NDE1: variants seen among roughly 807,000 people sequenced by gnomAD.
The protein encoded by NDE1 is nuclear distribution protein nudE homolog 1.
Under a neutral mutation model 43.4 loss-of-function variants are expected in NDE1, and 28 were observed. That is an observed-to-expected ratio of 0.65 (90% CI 0.48 to 0.89). NDE1 has a LOEUF of 0.89. NDE1 is among the 40% of genes least tolerant of loss of function. The pLI is 0.00. For missense variants in NDE1, 441 were observed against 434.1 expected (o/e 1.02, Z -0.14); for synonymous variants, 184 against 172.0 (o/e 1.07, Z -0.55).
At chr16:15,713,820 T>C (rs10521101) in intron 8 of NDE1, 42,322 of 152,340 alleles carry the variant, frequency 0.28, 6,572 homozygotes, top group East Asian at 0.48. Context: ...TTTCACCAAA[T>C]GATTGCAGCA....
chr16:15,676,703 G>A (rs1186851715), intron 3 of NDE1, among the ~76,000 whole-genome samples: 1 of 152,096 alleles, frequency 6.6e-6, no homozygotes, highest in Non-Finnish European at 1.5e-5. Flanking sequence ...GCAGGGAGTT[G>A]CCCAGGCCGG....
intron 8 of NDE1, chr16:15,717,410 C>T: frequency 6.4e-7 from 1 of 1,559,436 alleles, no homozygotes; most frequent in South Asian, 1.1e-5. Flanking sequence ...CGCACTGAGA[C>T]CATGCCTCTT....
At chr16:15,723,111 G>A (rs1455212450) in intron 8 of NDE1, among the ~76,000 whole-genome samples, 1 of 152,134 alleles carries the variant, frequency 6.6e-6, no homozygotes, top group East Asian at 1.9e-4. Context: ...AAATAATAAT[G>A]TATCTTAAAA....
chr16:15,715,856 T>C (rs959175794), intron 8 of NDE1, among the ~76,000 whole-genome samples: 10 of 152,214 alleles, frequency 6.6e-5, no homozygotes, highest in Admixed American at 6.5e-4. Flanking sequence ...CCAGGCGTGG[T>C]GGCTCATGCC....
chr16:15,718,190 C>G (rs1338840328), intron 8 of NDE1: 4 of 1,499,722 alleles, frequency 2.7e-6, no homozygotes, highest in Admixed American at 1.7e-5. Context: ...CAGGCCCCAC[C>G]ACCCTCTTGT....
intron 3 of NDE1, among the ~76,000 whole-genome samples, chr16:15,670,976 C>T (rs2037564346): frequency 6.6e-6 from 1 of 152,142 alleles, no homozygotes; most frequent in African/African-American, 2.4e-5. Context: ...CCACAGAGTG[C>T]AGCTGGCCGT....
At chr16:15,696,903 G>T (rs771553126) in intron 8 of NDE1, 43 bp downstream of exon 8, 1 of 1,603,256 alleles carries the variant, frequency 6.2e-7, no homozygotes. Context: ...GGGAGAACCC[G>T]CCTGCCCCAG....
chr16:15,680,242 C>T (rs1031634862), intron 4 of NDE1, among the ~76,000 whole-genome samples: 10 of 151,944 alleles, frequency 6.6e-5, no homozygotes, highest in South Asian at 4.2e-4. Context: ...GCTCTGTGCA[C>T]GTGTGGTTTG....
At chr16:15,649,347 G>A (rs2036397554), upstream of NDE1, 1 of 151,826 alleles carries the variant, frequency 6.6e-6, no homozygotes, top group African/African-American at 2.4e-5. Context: ...TGTTCTTTAA[G>A]ACGGAGTCTT....
chr16:15,682,187 A>G (rs2038216364), intron 4 of NDE1, among the ~76,000 whole-genome samples: 1 of 152,176 alleles, frequency 6.6e-6, no homozygotes, highest in Non-Finnish European at 1.5e-5. Flanking sequence ...CTAGGTCACC[A>G]AAGTTTTATG....
At chr16:15,714,472 GA>G in intron 8 of NDE1, 1 of 240,508 alleles carries the variant, frequency 4.2e-6, no homozygotes, top group East Asian at 9.9e-5. Context: ...CCATACCCGA[GA>G]ATAATGCAGC....
In NDE1 at chr16:15,721,628, C is replaced by T. The variant is rs775154820; in HGVS notation, c.948-2563C>T. On this transcript the variant is annotated intron_variant, in intron 8 of 8. Transcript: ENST00000396354. ...TTGGAAGAGATGTTTTTCTCCTCGGCTAACAACTACAACACAAGACCCAGA... is the reference window on the plus strand; with the variant it reads ...TTGGAAGAGATGTTTTTCTCCTCGGTTAACAACTACAACACAAGACCCAGA... The T allele has an allele frequency of 4.3e-6, 7 of 1,614,042 alleles. No homozygotes were observed. Among genetic ancestry groups the T allele is most frequent in the Non-Finnish European group, 5.9e-6 (7 of 1,180,036 alleles).
intron 5 of NDE1, among the ~76,000 whole-genome samples, chr16:15,690,050 T>C (rs1291251251): frequency 6.6e-6 from 1 of 151,948 alleles, no homozygotes; most frequent in Non-Finnish European, 1.5e-5. Flanking sequence ...AAGCATACTT[T>C]ATTTATTTTT....
intron 8 of NDE1, among the ~76,000 whole-genome samples, chr16:15,715,553 A>AAATT (rs1207736922): frequency 6.6e-6 from 1 of 152,204 alleles, no homozygotes; most frequent in Non-Finnish European, 1.5e-5. Context: ...CAGAATAGAT[A>AAATT]AATTCATAGA....
rs1362686614 is a variant in NDE1 at position 15,724,270 on chromosome 16, TC to T, written c.*21del. The T allele has an allele frequency of 6.2e-7, 1 of 1,614,202 alleles. No individual in the cohort carries two copies. Among genetic ancestry groups the T allele is most frequent in the Admixed American group, 1.7e-5 (1 of 60,012 alleles). ...CTGCTGAAGCCTGTTCTTGGTCTTTTCCAGTTTATCATAAGCGGCCGCCTTC... is the reference window on the plus strand; with the variant it reads ...CTGCTGAAGCCTGTTCTTGGTCTTTTCAGTTTATCATAAGCGGCCGCCTTC... On this transcript the variant is annotated 3_prime_UTR_variant, in exon 9 of 9. Coordinates refer to ENST00000396354, the MANE Select transcript of NDE1 (RefSeq NM_017668.3).
intron 6 of NDE1, among the ~76,000 whole-genome samples, chr16:15,692,219 C>T (rs568193674): frequency 1.3e-5 from 2 of 152,182 alleles, no homozygotes; most frequent in Non-Finnish European, 2.9e-5. Flanking sequence ...GATGCAGGTG[C>T]TGTCCCCGTT....
At chr16:15,662,190 T>G (rs1261397934) in intron 1 of NDE1, among the ~76,000 whole-genome samples, 2 of 151,794 alleles carry the variant, frequency 1.3e-5, no homozygotes, top group African/African-American at 2.4e-5. Context: ...CCTCTTGCCT[T>G]GGCCTCCCAT....
At chr16:15,652,413 C>T (rs2036547325) in intron 1 of NDE1, among the ~76,000 whole-genome samples, 1 of 152,210 alleles carries the variant, frequency 6.6e-6, no homozygotes, top group Non-Finnish European at 1.5e-5. Context: ...AGGTAATTTC[C>T]TAACATGAGC....
intron 7 of NDE1, 115 bp from the exon 8 acceptor site, chr16:15,696,594 C>G: frequency 1.3e-6 from 2 of 1,579,386 alleles, no homozygotes; most frequent in South Asian, 2.3e-5. Flanking sequence ...CCTTGGAATT[C>G]CAGTGCACAA....
Sources: allele counts gnomAD v4.1 joint callset (sites outside exome capture counted in the v4.1 genomes callset), GRCh38; gene constraint gnomAD v4.1.1; transcripts MANE v1.5; gene names NCBI Gene and HGNC (gene_info 2026-07-23, HGNC 2026-07-21).